Variants in CLMP observed in about 807,000 individuals in gnomAD.
CLMP encodes CXADR-like membrane protein.
Under a neutral mutation model 45.2 loss-of-function variants are expected in CLMP, and 27 were observed. The ratio of observed to expected loss-of-function variants is 0.60; its 90% CI spans 0.44 to 0.82. The LOEUF is 0.82. CLMP is among the 40% of genes least tolerant of loss of function. The pLI is 0.00. For missense variants in CLMP, 403 were observed against 448.4 expected (o/e 0.90, Z 0.91); for synonymous variants, 167 against 171.4 (o/e 0.97, Z 0.20).
chr11:123,173,812 TG>T (rs1446513717), intron 1 of CLMP, among the ~76,000 whole-genome samples: 4 of 152,184 alleles, frequency 2.6e-5, no homozygotes, highest in African/African-American at 9.7e-5. Context: ...CTGAGTGCTG[TG>T]GATCAGACCT....
At chr11:123,162,471 A>C (rs1861498685) in intron 1 of CLMP, among the ~76,000 whole-genome samples, 1 of 152,232 alleles carries the variant, frequency 6.6e-6, no homozygotes, top group Non-Finnish European at 1.5e-5. Flanking sequence ...ATTAAGAGGA[A>C]CTGGGAAATA....
At chr11:123,148,430 T>A (rs548535076) in intron 1 of CLMP, among the ~76,000 whole-genome samples, 1 of 152,348 alleles carries the variant, frequency 6.6e-6, no homozygotes, top group South Asian at 2.1e-4. Flanking sequence ...TACCTGCCTA[T>A]GGCAAAAGAA....
At chr11:123,088,109 C>T (rs1865886817) in intron 2 of CLMP, among the ~76,000 whole-genome samples, 2 of 151,972 alleles carry the variant, frequency 1.3e-5, no homozygotes, top group South Asian at 4.1e-4. Context: ...GGGGTTTCTC[C>T]ACGTTGGTCA....
At chr11:123,157,582 G>C (rs1449914372) in intron 1 of CLMP, among the ~76,000 whole-genome samples, 1 of 151,876 alleles carries the variant, frequency 6.6e-6, no homozygotes, top group African/African-American at 2.4e-5. Flanking sequence ...AGCTGGGCAT[G>C]GTGGTAGTTG....
At chr11:123,128,167 G>A (rs1860927345) in intron 1 of CLMP, among the ~76,000 whole-genome samples, 1 of 149,400 alleles carries the variant, frequency 6.7e-6, no homozygotes, top group Non-Finnish European at 1.5e-5. Context: ...GAGAAAAGCA[G>A]TATCATTTCA....
rs1480942590 is a variant in CLMP, at chr11:123,070,443, A to G, written c.*3031T>C. ...TTTTATGTGTTTGTTGTAGACTTCC[A>G]TTATGGATAGATTTCCAAAATAATT... On this transcript the variant is annotated 3_prime_UTR_variant, in exon 7 of 7. Coordinates refer to ENST00000448775, the MANE Select transcript of CLMP (RefSeq NM_024769.5). 1 of 152,204 alleles carries G rather than the reference A, an allele frequency of 6.6e-6. No homozygotes were observed. The highest frequency in any genetic ancestry group is 1.5e-5 in the Non-Finnish European group (1 of 68,032). The allele number at this position is 152,204 out of a possible 1,614,324, so 9.4% of individuals were successfully genotyped here.
At chr11:123,097,677 GC>G in intron 2 of CLMP, 117 bp downstream of exon 2, 2 of 754,486 alleles carry the variant, frequency 2.7e-6, no homozygotes, top group Non-Finnish European at 4.3e-6. Flanking sequence ...TCAAGTAGAA[GC>G]CAGATGAAAA....
At chr11:123,128,617 G>A (rs182119250) in intron 1 of CLMP, among the ~76,000 whole-genome samples, 67 of 152,214 alleles carry the variant, frequency 4.4e-4, no homozygotes, top group East Asian at 1.2e-3. Flanking sequence ...CTATGATCAC[G>A]TCACTGCATT....
At position 123,070,159 on chromosome 11, in the gene CLMP, C is replaced by T. The variant is rs1865655712; in HGVS notation, c.*3315G>A. On this transcript the variant is annotated 3_prime_UTR_variant, in exon 7 of 7. Transcript: ENST00000448775. The stretch of plus-strand genomic sequence containing the variant: ...TTTATTGACATGGTTACTCAATGTC[C>T]ACATCATTCCATCTGCATCGTCTTC... 1 of 152,152 alleles carries T rather than the reference C, an allele frequency of 6.6e-6. No homozygotes were observed. Among genetic ancestry groups the T allele is most frequent in the African/African-American group, 2.4e-5 (1 of 41,428 alleles). The allele number at this position is 152,152 out of a possible 1,614,324, so 9.4% of individuals were successfully genotyped here.
intron 1 of CLMP, among the ~76,000 whole-genome samples, chr11:123,140,764 A>G (rs1023743473): frequency 1.3e-5 from 2 of 152,040 alleles, no homozygotes; most frequent in Non-Finnish European, 1.5e-5. Context: ...TATTCCCTAC[A>G]TGCTAGTTGC....
chr11:123,120,151 T>G (rs1860793430), intron 1 of CLMP, among the ~76,000 whole-genome samples: 1 of 152,180 alleles, frequency 6.6e-6, no homozygotes, highest in Non-Finnish European at 1.5e-5. Flanking sequence ...CTGAGTTCAG[T>G]GACTCAAGCC....
intron 5 of CLMP, among the ~76,000 whole-genome samples, chr11:123,078,144 A>AT (rs1865761706): frequency 6.6e-6 from 1 of 152,192 alleles, no homozygotes; most frequent in African/African-American, 2.4e-5. Context: ...TTCCATATGT[A>AT]TTTGGACACT....
At chr11:123,078,801 C>T (rs1053277302) in intron 5 of CLMP, among the ~76,000 whole-genome samples, 9 of 151,918 alleles carry the variant, frequency 5.9e-5, no homozygotes, top group Non-Finnish European at 8.8e-5. Context: ...CCTGCCACCA[C>T]GCCCAGCTAA....
At chr11:123,192,027 T>G (rs559673187) in intron 1 of CLMP, among the ~76,000 whole-genome samples, 31 of 152,336 alleles carry the variant, frequency 2.0e-4, no homozygotes, top group African/African-American at 6.7e-4. Flanking sequence ...AAGTGGCATT[T>G]GAGGTGAGAC....
chr11:123,096,464 CA>C, intron 2 of CLMP, among the ~76,000 whole-genome samples: 2 of 152,244 alleles, frequency 1.3e-5, no homozygotes, highest in South Asian at 4.1e-4. Flanking sequence ...GTGGAGGTTG[CA>C]GTGAGCTAAG....
intron 2 of CLMP, among the ~76,000 whole-genome samples, chr11:123,091,339 A>G (rs1865929981): frequency 6.6e-6 from 1 of 152,134 alleles, no homozygotes; most frequent in Non-Finnish European, 1.5e-5. Context: ...CCCTGACCTT[A>G]AGCGACCTGC....
chr11:123,168,666 G>A (rs1044811997), intron 1 of CLMP, among the ~76,000 whole-genome samples: 1 of 152,070 alleles, frequency 6.6e-6, no homozygotes, highest in Non-Finnish European at 1.5e-5. Context: ...CTCTGCAATC[G>A]GATCCAGCAG....
intron 1 of CLMP, among the ~76,000 whole-genome samples, chr11:123,132,541 C>T (rs1861005383): frequency 6.6e-6 from 1 of 152,104 alleles, no homozygotes; most frequent in South Asian, 2.1e-4. Flanking sequence ...TCACGGCAAC[C>T]TCCGCCTCTT....
intron 1 of CLMP, among the ~76,000 whole-genome samples, chr11:123,174,556 G>A (rs1861674923): frequency 6.6e-6 from 1 of 152,082 alleles, no homozygotes; most frequent in Admixed American, 6.6e-5. Context: ...ATAAATAAAA[G>A]AGCCTCCCAC....
Sources: gnomAD v4.1 joint callset for allele counts (sites outside exome capture counted in the v4.1 genomes callset) on GRCh38, gnomAD v4.1.1 for gene constraint, MANE v1.5 for transcripts, NCBI Gene and HGNC (gene_info 2026-07-23, HGNC 2026-07-21) for gene names.